The following CACNA2D4 variants were observed in gnomAD, a reference collection of about 807,000 sequenced individuals.
CACNA2D4 encodes calcium voltage-gated channel auxiliary subunit alpha2delta 4, also known as voltage-dependent calcium channel subunit alpha-2/delta-4.
Under a neutral mutation model 163.8 loss-of-function variants are expected in CACNA2D4, and 157 were observed. The observed-to-expected ratio is 0.96, with a 90% CI of 0.84 to 1.09. CACNA2D4 has a LOEUF of 1.09. Ranked by LOEUF, CACNA2D4 falls within the 50% of genes least tolerant of loss-of-function variation. The pLI is 0.00. For synonymous variants in CACNA2D4, 598 were observed against 586.9 expected, an observed-to-expected ratio of 1.02 and a Z score of -0.27; for missense variants, 1,410 against 1,479.9, an observed-to-expected ratio of 0.95 and a Z score of 0.78.
chr12:1,890,991 AG>A (rs1866268375), intron 6 of CACNA2D4, among the ~76,000 whole-genome samples: 1 of 152,182 alleles, frequency 6.6e-6, no homozygotes, highest in Non-Finnish European at 1.5e-5. Flanking sequence ...TTGGAGGCAG[AG>A]GGTTGCCCCA....
intron 16 of CACNA2D4, among the ~76,000 whole-genome samples, chr12:1,877,502 G>A (rs1303889411): frequency 6.6e-6 from 1 of 152,210 alleles, no homozygotes; most frequent in Non-Finnish European, 1.5e-5. Flanking sequence ...GCCTTAAATA[G>A]TTAATCATTG....
chr12:1,849,575 T>A (rs1310194968), intron 23 of CACNA2D4, among the ~76,000 whole-genome samples: 1 of 152,228 alleles, frequency 6.6e-6, no homozygotes, highest in Admixed American at 6.5e-5. Context: ...CTTTTTAAAA[T>A]TTAATTTTGT....
intron 29 of CACNA2D4, 112 bp from the exon 30 acceptor site, chr12:1,801,756 G>T: frequency 1.5e-6 from 1 of 684,216 alleles, no homozygotes. Flanking sequence ...GGTGCCAGTT[G>T]GGCTTTCCCT....
In CACNA2D4 at chr12:1,874,850, C is replaced by T; in HGVS notation, c.1807-175G>A. ...ACCTGACTCTAAGCTCCATCTAGCT[C>T]ATAATTCCAGGCATTCACCAAGATC... On this transcript the variant is annotated intron_variant, in intron 17 of 37. Transcript: ENST00000382722. The surrounding 1 kb of genome is among the most constrained non-coding windows in gnomAD (Gnocchi z 4.4). Among the ~76,000 whole-genome samples, 1 of 152,148 alleles carries T rather than the reference C, an allele frequency of 6.6e-6. No homozygotes were observed. The highest frequency in any genetic ancestry group is 1.5e-5 in the Non-Finnish European group (1 of 68,022).
At chr12:1,814,766 C>A (rs1318199728) in intron 26 of CACNA2D4, among the ~76,000 whole-genome samples, 2 of 152,246 alleles carry the variant, frequency 1.3e-5, no homozygotes, top group East Asian at 3.8e-4. Context: ...CACCCCCGAA[C>A]TGGCCCCCGC....
chr12:1,883,033 G>A lies in CACNA2D4; in HGVS notation c.1352-33C>T, dbSNP rs761747186. On this transcript the variant is annotated intron_variant, in intron 12 of 37. Coordinates refer to ENST00000382722, the MANE Select transcript of CACNA2D4 (RefSeq NM_172364.5). The surrounding 1 kb of genome is among the most constrained non-coding windows in gnomAD (Gnocchi z 4.5). ...GGGGAAGGCCGCGTGGGTGTGGAAGGCAGGGCTTCCCTGGGAACCCCTCGC... is the reference window on the plus strand; with the variant it reads ...GGGGAAGGCCGCGTGGGTGTGGAAGACAGGGCTTCCCTGGGAACCCCTCGC... The A allele has an allele frequency of 3.1e-6, 5 of 1,600,372 alleles. No homozygotes were observed. The highest frequency in any genetic ancestry group is 1.1e-5 in the South Asian group (1 of 88,806).
chr12:1,830,308 A>G (rs1864564021), intron 26 of CACNA2D4, among the ~76,000 whole-genome samples: 1 of 152,232 alleles, frequency 6.6e-6, no homozygotes, highest in Non-Finnish European at 1.5e-5. Flanking sequence ...TGCTGGCGTC[A>G]TCATGGGTGT....
At position 1,798,332 on chromosome 12, in the gene CACNA2D4, T is replaced by G. The variant is rs143588161; in HGVS notation, c.2996-797A>C. ...AGGGCCTGGCTGTGGCCCCCAGGGATAGACCTAGAGGCAGGGAGCACAGGT... is the reference window on the plus strand; with the variant it reads ...AGGGCCTGGCTGTGGCCCCCAGGGAGAGACCTAGAGGCAGGGAGCACAGGT... On this transcript the variant is annotated intron_variant, in intron 34 of 37. Transcript: ENST00000382722. This position sits in a 1 kb window ranked among gnomAD's most constrained non-coding sequence, Gnocchi z 4.3. 7.0e-3 allele frequency among the ~76,000 whole-genome samples: 1,067 copies of G among 152,166 alleles called. 14 individuals carry two copies. The highest frequency in any genetic ancestry group is 0.025 in the African/African-American group (1,020 of 41,508).
At chr12:1,909,474 G>A (rs1034999337) in intron 4 of CACNA2D4, among the ~76,000 whole-genome samples, 4 of 152,232 alleles carry the variant, frequency 2.6e-5, no homozygotes, top group African/African-American at 9.6e-5. Flanking sequence ...GATTACAGGC[G>A]TGAGCCACCG....
chr12:1,879,333 C>T lies in CACNA2D4; in HGVS notation c.1564-297G>A, dbSNP rs565338175. ...TCTTCACGGCACAGGGCGAAGTTAT[C>T]GGGATCTCAGGGACCATAACTCACG... On this transcript the variant is annotated intron_variant, in intron 14 of 37. Transcript: ENST00000382722. Among the ~76,000 whole-genome samples the T allele has an allele frequency of 2.1e-4, 32 of 152,214 alleles. No individual in the cohort carries two copies. In the East Asian group the frequency reaches 2.7e-3, roughly 13 times the overall value.
At chr12:1,856,986 G>A (rs117020901) in intron 20 of CACNA2D4, among the ~76,000 whole-genome samples, 305 of 152,322 alleles carry the variant, frequency 2.0e-3, no homozygotes, top group Non-Finnish European at 2.9e-3. Context: ...AGGAGACTCC[G>A]GGATTCCAAG....
intron 28 of CACNA2D4, 34 bp downstream of exon 28, chr12:1,810,509 C>T: frequency 6.4e-7 from 1 of 1,550,908 alleles, no homozygotes. Flanking sequence ...GCCATGGCTC[C>T]CTCCTCCACC....
At chr12:1,857,050 C>CT (rs1349134743) in intron 20 of CACNA2D4, among the ~76,000 whole-genome samples, 1 of 152,212 alleles carries the variant, frequency 6.6e-6, no homozygotes, top group Non-Finnish European at 1.5e-5. Context: ...ACAGCACCCT[C>CT]TGTCTCCTGG....
At chr12:1,881,969 C>T (rs902884532) in intron 13 of CACNA2D4, among the ~76,000 whole-genome samples, 2 of 152,252 alleles carry the variant, frequency 1.3e-5, no homozygotes, top group African/African-American at 2.4e-5. Context: ...CCTCCTTTGT[C>T]AGCACAGGGA....
intron 19 of CACNA2D4, 24 bp from the exon 20 acceptor site, chr12:1,858,668 C>A: frequency 6.4e-7 from 1 of 1,564,142 alleles, no homozygotes; most frequent in Non-Finnish European, 8.7e-7. Flanking sequence ...AGAGAAGGCA[C>A]TCATTCAGCA....
chr12:1,888,921 A>G (rs935335740), intron 6 of CACNA2D4, among the ~76,000 whole-genome samples: 1 of 152,204 alleles, frequency 6.6e-6, no homozygotes, highest in African/African-American at 2.4e-5. Context: ...ACATATAGAC[A>G]CATAGTATTG....
chr12:1,812,232 TC>T lies in CACNA2D4; in HGVS notation c.2552-510del, dbSNP rs369086033. ...CATACCCTCTGTCTGCTCAGGATCT[TC>T]CCTGCTTTATAAGGAGGCTCTTTTC... On this transcript the variant is annotated intron_variant, in intron 26 of 37. Transcript: ENST00000382722. Among the ~76,000 whole-genome samples, 987 of 152,270 alleles carry T rather than the reference TC, an allele frequency of 6.5e-3. 10 individuals carry two copies. Among genetic ancestry groups the T allele is most frequent in the African/African-American group, 0.022 (931 of 41,552 alleles).
At chr12:1,840,528 A>G (rs559364509) in intron 26 of CACNA2D4, among the ~76,000 whole-genome samples, 10 of 152,080 alleles carry the variant, frequency 6.6e-5, no homozygotes, top group Non-Finnish European at 1.0e-4. Flanking sequence ...TCTGGGCTTC[A>G]TTTTGCTCAC....
intron 25 of CACNA2D4, 47 bp from the exon 26 acceptor site, chr12:1,840,866 G>C: frequency 6.5e-7 from 1 of 1,527,342 alleles, no homozygotes; most frequent in Non-Finnish European, 9.1e-7. Flanking sequence ...CTGTGGTTGG[G>C]GCAGGTGGAG....
Sources: gnomAD v4.1 joint callset for allele counts (sites outside exome capture counted in the v4.1 genomes callset) on GRCh38, gnomAD v4.1.1 for gene constraint, Gnocchi (gnomAD v3.1) non-coding constraint, MANE v1.5 for transcripts, NCBI Gene and HGNC (gene_info 2026-07-23, HGNC 2026-07-21) for gene names.